LAMA2: variants seen among roughly 807,000 people sequenced by gnomAD.
LAMA2 encodes laminin subunit alpha 2.
In LAMA2, 269 loss-of-function variants were observed where a neutral mutation model predicts 364.8. The observed-to-expected ratio is 0.74, with a 90% CI of 0.67 to 0.82. The LOEUF (loss-of-function observed/expected upper bound fraction) is 0.82. Among genes scored for constraint, LAMA2 ranks in the 40% least tolerant of loss-of-function variants. The probability of loss-of-function intolerance (pLI) is 0.00; values close to 1 mark genes in which losing one functional copy is unlikely to be tolerated. For synonymous variants in LAMA2, 1,379 were observed against 1,370.6 expected, an observed-to-expected ratio of 1.01 and a Z score of -0.14; for missense variants, 3,807 against 3,873.2, an observed-to-expected ratio of 0.98 and a Z score of 0.45.
intron 4 of LAMA2, among the ~76,000 whole-genome samples, chr6:129,124,304 T>G (rs1442928109): frequency 6.6e-6 from 1 of 152,192 alleles, no homozygotes; most frequent in African/African-American, 2.4e-5. Context: ...TGAACAGCCT[T>G]GGAAGGTAGA....
chr6:129,194,629 C>G (rs1348320265), intron 12 of LAMA2, among the ~76,000 whole-genome samples: 1 of 152,150 alleles, frequency 6.6e-6, no homozygotes, highest in Non-Finnish European at 1.5e-5. Flanking sequence ...ATAACATTAA[C>G]AGGGTGTGCA....
At chr6:129,221,340 T>A (rs1181665923) in intron 12 of LAMA2, among the ~76,000 whole-genome samples, 1 of 147,168 alleles carries the variant, frequency 6.8e-6, no homozygotes, top group Non-Finnish European at 1.5e-5. Flanking sequence ...GAGAAAGCTT[T>A]AGTATCAAGC....
In LAMA2 at chr6:129,505,329, AACT is replaced by A; in HGVS notation, c.8680_8682del (p.Tyr2894del). On this transcript the variant is annotated inframe_deletion, in exon 61 of 65. Coordinates refer to ENST00000421865, the MANE Select transcript of LAMA2 (RefSeq NM_000426.4). The stretch of plus-strand genomic sequence containing the variant: ...GCTGTATGTTGGTGGGTTACCCATC[AACT>A]ACACTACCCGAAGAATTGGTCCAGT... 6.2e-7 allele frequency: 1 copy of A among 1,613,938 alleles called. No individual in the cohort carries two copies. The highest frequency in any genetic ancestry group is 8.5e-7 in the Non-Finnish European group (1 of 1,179,788).
intron 1 of LAMA2, among the ~76,000 whole-genome samples, chr6:129,035,893 A>G (rs1786607708): frequency 6.6e-6 from 1 of 152,082 alleles, no homozygotes; most frequent in East Asian, 1.9e-4. Flanking sequence ...ATAGTCTCAG[A>G]GCATAGTGTG....
At chr6:129,448,574 GC>G (rs1782509512) in intron 45 of LAMA2, among the ~76,000 whole-genome samples, 1 of 152,100 alleles carries the variant, frequency 6.6e-6, no homozygotes, top group Non-Finnish European at 1.5e-5. Flanking sequence ...TTTTAAAGTA[GC>G]TTTCTCTGGG....
chr6:129,061,524 G>A (rs1788912215), intron 3 of LAMA2, among the ~76,000 whole-genome samples: 1 of 152,088 alleles, frequency 6.6e-6, no homozygotes, highest in Non-Finnish European at 1.5e-5. Flanking sequence ...TAACTTGCCT[G>A]TTTTTATCAA....
intron 17 of LAMA2, among the ~76,000 whole-genome samples, chr6:129,271,226 C>T (rs1787910202): frequency 6.6e-6 from 1 of 151,964 alleles, no homozygotes; most frequent in South Asian, 2.1e-4. Context: ...CTTTTAAGTA[C>T]CCATTCTATC....
At chr6:129,219,964 T>TATA (rs961752737) in intron 12 of LAMA2, among the ~76,000 whole-genome samples, 3 of 151,492 alleles carry the variant, frequency 2.0e-5, no homozygotes, top group Admixed American at 2.0e-4. Context: ...AAACTTAAAG[T>TATA]ATAATAATAA....
At chr6:129,189,759 T>A (rs1294055208) in intron 10 of LAMA2, among the ~76,000 whole-genome samples, 2 of 152,186 alleles carry the variant, frequency 1.3e-5, no homozygotes, top group Non-Finnish European at 2.9e-5. Flanking sequence ...ATATCAATGT[T>A]CTATTATACA....
At chr6:129,399,348 G>A (rs925107071) in intron 37 of LAMA2, among the ~76,000 whole-genome samples, 1 of 152,176 alleles carries the variant, frequency 6.6e-6, no homozygotes, top group Non-Finnish European at 1.5e-5. Context: ...ATCATGTGGG[G>A]TTCTTGTTAA....
chr6:129,040,065 A>G (rs1786982177), intron 1 of LAMA2, among the ~76,000 whole-genome samples: 1 of 152,168 alleles, frequency 6.6e-6, no homozygotes, highest in Admixed American at 6.5e-5. Flanking sequence ...ACAAAAAGTA[A>G]TTAAACTGGA....
At chr6:129,274,829 G>C (rs1261901216) in intron 17 of LAMA2, among the ~76,000 whole-genome samples, 1 of 151,776 alleles carries the variant, frequency 6.6e-6, no homozygotes, top group Non-Finnish European at 1.5e-5. Flanking sequence ...TTTAATTTCT[G>C]GCATCACATA....
At chr6:129,309,188 T>C (rs1774058480) in intron 22 of LAMA2, among the ~76,000 whole-genome samples, 1 of 152,246 alleles carries the variant, frequency 6.6e-6, no homozygotes, top group Non-Finnish European at 1.5e-5. Flanking sequence ...GGTGTGAGCA[T>C]ACACATCATT....
chr6:129,086,267 G>A (rs111561289), intron 3 of LAMA2, among the ~76,000 whole-genome samples: 1 of 152,256 alleles, frequency 6.6e-6, no homozygotes, highest in East Asian at 1.9e-4. Flanking sequence ...CATTAGGTAC[G>A]TGCAGAGGTA....
At chr6:129,450,139 C>T (rs1782599413) in intron 45 of LAMA2, among the ~76,000 whole-genome samples, 1 of 150,810 alleles carries the variant, frequency 6.6e-6, no homozygotes, top group African/African-American at 2.4e-5. Context: ...CTTTTCAACA[C>T]ACTAATCATG....
At chr6:129,223,860 T>G (rs971425294) in intron 12 of LAMA2, among the ~76,000 whole-genome samples, 26 of 150,932 alleles carry the variant, frequency 1.7e-4, no homozygotes, top group African/African-American at 6.3e-4. Flanking sequence ...TTTAAAGTAG[T>G]TTTTTTTCCA....
chr6:129,315,659 A>G lies in LAMA2; in HGVS notation c.3735+4A>G. ...AGAACAATTTGAAGGAAAGAAGGTA[A>G]GCACAAGAACTTTAATGTCAAGTGA... is the stretch of plus-strand genomic sequence containing the variant. On this transcript the variant is annotated splice_donor_region_variant and intron_variant, in intron 25 of 64. Transcript: ENST00000421865. 6.2e-7 allele frequency: 1 copy of G among 1,613,996 alleles called. No homozygotes were observed. The highest frequency in any genetic ancestry group is 8.5e-7 in the Non-Finnish European group (1 of 1,179,800).
At chr6:129,178,790 C>A (rs193224613) in intron 10 of LAMA2, among the ~76,000 whole-genome samples, 292 of 151,978 alleles carry the variant, frequency 1.9e-3, no homozygotes, top group African/African-American at 6.9e-3. Context: ...ACATATACAA[C>A]CATTAAGCCA....
chr6:129,135,571 T>G (rs1777744268), intron 4 of LAMA2, among the ~76,000 whole-genome samples: 1 of 152,246 alleles, frequency 6.6e-6, no homozygotes, highest in Non-Finnish European at 1.5e-5. Flanking sequence ...TTGTAATTTC[T>G]GAAATAGCAA....
Sources: gnomAD v4.1 joint callset for allele counts (sites outside exome capture counted in the v4.1 genomes callset) on GRCh38, gnomAD v4.1.1 for gene constraint, MANE v1.5 for transcripts, NCBI Gene and HGNC (gene_info 2026-07-23, HGNC 2026-07-21) for gene names.